Variants in BBS4 observed in about 807,000 individuals in gnomAD.
BBS4 encodes the protein Bardet-Biedl syndrome 4.
Under a neutral mutation model 71.4 loss-of-function variants are expected in BBS4, and 58 were observed. The observed-to-expected ratio is 0.81, with a 90% CI of 0.66 to 1.01. The LOEUF (loss-of-function observed/expected upper bound fraction) is 1.01. Ranked by LOEUF, BBS4 falls within the 50% of genes least tolerant of loss-of-function variation. The pLI is 0.00. For synonymous variants in BBS4, 228 were observed against 216.8 expected (o/e 1.05, Z -0.46); for missense variants, 660 against 607.9 (o/e 1.09, Z -0.90).
At chr15:72,731,817 G>T in intron 12 of BBS4, 91 bp downstream of exon 12, 4 of 1,481,796 alleles carry the variant, frequency 2.7e-6, no homozygotes, top group Non-Finnish European at 3.7e-6. Flanking sequence ...CTGTCTCATA[G>T]GAGCCATTCC....
At chr15:72,710,765 C>T (rs1450313662) in intron 3 of BBS4, among the ~76,000 whole-genome samples, 3 of 151,868 alleles carry the variant, frequency 2.0e-5, no homozygotes, top group Non-Finnish European at 2.9e-5. Context: ...CTAATTCATA[C>T]TGGTATGACA....
intron 2 of BBS4, among the ~76,000 whole-genome samples, chr15:72,695,851 A>G (rs188452072): frequency 3.3e-5 from 5 of 152,150 alleles, no homozygotes; most frequent in African/African-American, 4.8e-5. Context: ...GTTTAATTCT[A>G]TTGTGGGTAG....
intron 8 of BBS4, among the ~76,000 whole-genome samples, chr15:72,726,177 T>C (rs1474312213): frequency 6.6e-6 from 1 of 151,584 alleles, no homozygotes; most frequent in Non-Finnish European, 1.5e-5. Flanking sequence ...AGTGGCGCGA[T>C]CTCGCCTCAC....
At chr15:72,716,947 A>G (rs2065478282) in intron 6 of BBS4, 97 bp downstream of exon 6, 1 of 901,072 alleles carries the variant, frequency 1.1e-6, no homozygotes, top group African/African-American at 1.7e-5. Context: ...ACATTCCAAA[A>G]ATGTCTTGAT....
At chr15:72,736,000 T>C (rs1348908769) in intron 14 of BBS4, 34 bp downstream of exon 14, 2 of 1,613,114 alleles carry the variant, frequency 1.2e-6, no homozygotes, top group Admixed American at 1.7e-5. Context: ...GAGTCATAAG[T>C]AAGCTCTCAG....
chr15:72,713,314 G>GACACACACACACACACACACACAC (rs36072427), intron 4 of BBS4, among the ~76,000 whole-genome samples: 4 of 143,440 alleles, frequency 2.8e-5, no homozygotes, highest in Admixed American at 7.0e-5. Flanking sequence ...AGGTCTTTGT[G>GACACACACACACACACACACACAC]ACACACACAC....
In BBS4 at chr15:72,716,869, GTTCT is replaced by G; in HGVS notation, c.405+25_405+28del. On this transcript the variant is annotated intron_variant, in intron 6 of 15. Transcript: ENST00000268057. Reference sequence around the variant, plus strand: ...AGATTGGGTAAGTAGAGAACTTTCAGTTCTTTCTTATTAGTAAACTTGCTAATGG... The same window carrying G: ...AGATTGGGTAAGTAGAGAACTTTCAGTTCTTATTAGTAAACTTGCTAATGG... 6.4e-7 allele frequency: 1 copy of G among 1,570,178 alleles called. No individual in the cohort carries two copies. The highest frequency in any genetic ancestry group is 8.7e-7 in the Non-Finnish European group (1 of 1,143,460).
chr15:72,707,863 G>A (rs1033042178), intron 2 of BBS4, among the ~76,000 whole-genome samples: 2 of 151,804 alleles, frequency 1.3e-5, no homozygotes, highest in African/African-American at 2.4e-5. Context: ...TTTTTTCATC[G>A]TTGACTTCTC....
intron 7 of BBS4, 87 bp from the exon 8 acceptor site, chr15:72,724,441 C>G (rs749454803): frequency 6.7e-5 from 105 of 1,576,396 alleles, no homozygotes; most frequent in Admixed American, 8.4e-5. Flanking sequence ...GTCAATACAG[C>G]AGAAAGTGTC....
At chr15:72,735,995 A>C (rs370896618) in intron 14 of BBS4, 29 bp downstream of exon 14, 1 of 1,613,660 alleles carries the variant, frequency 6.2e-7, no homozygotes, top group South Asian at 1.1e-5. Flanking sequence ...CCCAAGAGTC[A>C]TAAGTAAGCT....
Position 72,738,113 on chromosome 15 carries a change from C to T in BBS4, c.*526C>T, listed in dbSNP as rs2068223570. The T allele has an allele frequency of 1.3e-5, 6 of 452,734 alleles. No individual in the cohort carries two copies. The highest frequency in any genetic ancestry group is 6.2e-5 in the South Asian group (4 of 64,180). The allele number at this position is 452,734 out of a possible 1,614,324, so 28.0% of individuals were successfully genotyped here. A position where few individuals can be genotyped will look rare whatever the true frequency, so the allele number is the denominator to read the frequency against. Reference sequence around the variant, plus strand: ...ATTTAAAAGAAAAAAAACAAAAGCCCTGGAAGTTGAGGCCAAGCCTGCTGA... The same window carrying T: ...ATTTAAAAGAAAAAAAACAAAAGCCTTGGAAGTTGAGGCCAAGCCTGCTGA... On this transcript the variant is annotated 3_prime_UTR_variant, in exon 16 of 16. Transcript: ENST00000268057.
At chr15:72,724,406 G>A (rs973430640) in intron 7 of BBS4, 122 bp from the exon 8 acceptor site, 1 of 1,446,668 alleles carries the variant, frequency 6.9e-7, no homozygotes, top group African/African-American at 1.4e-5. Context: ...AGTGGGGGCT[G>A]TTTGCTGAAA....
intron 3 of BBS4, among the ~76,000 whole-genome samples, chr15:72,711,611 G>A (rs1016225783): frequency 1.3e-5 from 2 of 152,142 alleles, no homozygotes; most frequent in South Asian, 2.1e-4. Flanking sequence ...GCCACATACA[G>A]TCTCTACATC....
chr15:72,712,946 CACA>C (rs1341453442), intron 4 of BBS4, among the ~76,000 whole-genome samples: 2 of 151,892 alleles, frequency 1.3e-5, no homozygotes, highest in East Asian at 1.9e-4. Flanking sequence ...ACTTAAAACA[CACA>C]ACAACATTGT....
At position 72,735,787 on chromosome 15, in the gene BBS4, C is replaced by T. The variant is rs753823462; in HGVS notation, c.1107-38C>T. Reference sequence around the variant, plus strand: ...AGGATCTCTAAATGACCATTTGTTGCAGAGCCCCCAGCTCCATAGAATCTC... The same window carrying T: ...AGGATCTCTAAATGACCATTTGTTGTAGAGCCCCCAGCTCCATAGAATCTC... On this transcript the variant is annotated intron_variant, in intron 13 of 15. Transcript: ENST00000268057. 1.9e-5 allele frequency: 30 copies of T among 1,613,520 alleles called. No homozygotes were observed. In the South Asian group the frequency reaches 3.1e-4, roughly 17 times the overall value.
chr15:72,709,566 A>G, intron 2 of BBS4, 134 bp from the exon 3 acceptor site: 1 of 718,768 alleles, frequency 1.4e-6, no homozygotes, highest in South Asian at 1.5e-5. Context: ...ACTATAATAT[A>G]TTATTGTAGT....
chr15:72,716,890 T>C (rs373311416), intron 6 of BBS4, 40 bp downstream of exon 6: 28 of 1,401,496 alleles, frequency 2.0e-5, no homozygotes, highest in African/African-American at 2.8e-5. Flanking sequence ...TTAGTAAACT[T>C]GCTAATGGTT....
intron 1 of BBS4, among the ~76,000 whole-genome samples, 159 bp from the exon 2 acceptor site, chr15:72,695,017 GT>G (rs1188869767): frequency 6.6e-6 from 1 of 152,070 alleles, no homozygotes; most frequent in Non-Finnish European, 1.5e-5. Context: ...CTTGACATTT[GT>G]TTTTTAAACC....
intron 7 of BBS4, 78 bp from the exon 8 acceptor site, chr15:72,724,450 T>TCTTTA: frequency 6.3e-7 from 1 of 1,586,780 alleles, no homozygotes; most frequent in Non-Finnish European, 8.6e-7. Context: ...GCAGAAAGTG[T>TCTTTA]CTTTACATTA....
Sources: gnomAD v4.1 joint callset for allele counts (sites outside exome capture counted in the v4.1 genomes callset) on GRCh38, gnomAD v4.1.1 for gene constraint, MANE v1.5 for transcripts, NCBI Gene and HGNC (gene_info 2026-07-23, HGNC 2026-07-21) for gene names.